The following CAMTA1 variants were observed in gnomAD, a reference collection of about 807,000 sequenced individuals.
The protein encoded by CAMTA1 is calmodulin-binding transcription activator 1.
CAMTA1 carries 27 observed loss-of-function variants against 170.9 expected under a neutral mutation model. The observed-to-expected ratio is 0.16, with a 90% CI of 0.12 to 0.22. CAMTA1 has a LOEUF of 0.22. CAMTA1 is among the 10% of genes least tolerant of loss of function. CAMTA1 has a pLI of 1.00. For synonymous variants in CAMTA1, 833 were observed against 891.5 expected, an observed-to-expected ratio of 0.93 and a Z score of 1.17; for missense variants, 1,619 against 2,217.2, an observed-to-expected ratio of 0.73 and a Z score of 5.42.
intron 6 of CAMTA1, among the ~76,000 whole-genome samples, chr1:7,604,719 G>A (rs2095472358): frequency 6.6e-6 from 1 of 152,190 alleles, no homozygotes; most frequent in Admixed American, 6.5e-5. Context: ...TCCGTTGCTG[G>A]TGAGGAGCTG....
chr1:7,720,055 A>G (rs1029570042), intron 11 of CAMTA1, among the ~76,000 whole-genome samples: 5 of 152,262 alleles, frequency 3.3e-5, no homozygotes, highest in Admixed American at 1.3e-4. Context: ...CTCCTCTGGC[A>G]ACAAGACCTG....
chr1:7,669,856 G>GT (rs2096040766), intron 9 of CAMTA1, among the ~76,000 whole-genome samples: 1 of 152,218 alleles, frequency 6.6e-6, no homozygotes. Context: ...CGGCTAAGCC[G>GT]TAAGTAGGGG....
chr1:6,823,602 T>C (rs1223629044), intron 2 of CAMTA1, among the ~76,000 whole-genome samples: 1 of 152,174 alleles, frequency 6.6e-6, no homozygotes, highest in Non-Finnish European at 1.5e-5. Context: ...CTATATGATG[T>C]AGTAAATTTT....
intron 3 of CAMTA1, among the ~76,000 whole-genome samples, chr1:6,902,732 G>C (rs981165698): frequency 2.0e-5 from 3 of 152,204 alleles, no homozygotes; most frequent in Admixed American, 1.3e-4. Flanking sequence ...GGTGTTCAAC[G>C]TCAGGGAAAT....
At chr1:7,256,730 C>T (rs986376543) in intron 5 of CAMTA1, among the ~76,000 whole-genome samples, 28 of 152,132 alleles carry the variant, frequency 1.8e-4, no homozygotes, top group Non-Finnish European at 3.8e-4. Flanking sequence ...GAAATTTATT[C>T]CTCACGGTTC....
intron 1 of CAMTA1, among the ~76,000 whole-genome samples, chr1:6,800,611 T>C (rs971064405): frequency 6.6e-6 from 1 of 152,178 alleles, no homozygotes; most frequent in Admixed American, 6.5e-5. Flanking sequence ...TAAGGTAGTA[T>C]TTATATTCAT....
intron 7 of CAMTA1, among the ~76,000 whole-genome samples, chr1:7,654,944 CTA>C (rs1178505606): frequency 7.1e-6 from 1 of 140,818 alleles, no homozygotes; most frequent in East Asian, 2.2e-4. Flanking sequence ...AAGCACACAC[CTA>C]TACACACACA....
intron 3 of CAMTA1, among the ~76,000 whole-genome samples, chr1:7,068,820 T>A (rs1183551904): frequency 6.6e-6 from 1 of 152,102 alleles, no homozygotes; most frequent in Non-Finnish European, 1.5e-5. Context: ...CGTGAAAATC[T>A]TCTTTCTCTT....
At chr1:7,539,712 C>T (rs1347678067) in intron 6 of CAMTA1, among the ~76,000 whole-genome samples, 1 of 152,228 alleles carries the variant, frequency 6.6e-6, no homozygotes, top group African/African-American at 2.4e-5. Flanking sequence ...GGAGTCTGCC[C>T]ACCTCCAAGA....
chr1:7,485,999 A>G (rs1003609302), intron 6 of CAMTA1, among the ~76,000 whole-genome samples: 1 of 152,262 alleles, frequency 6.6e-6, no homozygotes, highest in African/African-American at 2.4e-5. Flanking sequence ...GAGCTTAATT[A>G]GATAAAAGAT....
intron 5 of CAMTA1, among the ~76,000 whole-genome samples, chr1:7,326,136 G>A (rs1316558184): frequency 6.6e-6 from 1 of 152,200 alleles, no homozygotes; most frequent in Non-Finnish European, 1.5e-5. Context: ...TGGGATTACA[G>A]ACGTGAGCCA....
rs944873688 is a variant in CAMTA1, at chr1:7,664,046, G to C, written c.1499G>C (p.Gly500Ala). Residue 500 changes from glycine (G) to alanine (A), a missense_variant, in exon 9 of 23, where the codon GGT (glycine) becomes GCT (alanine). By Grantham distance (60) the Gly-to-Ala change is moderately conservative. Coordinates refer to ENST00000303635, the MANE Select transcript of CAMTA1 (RefSeq NM_015215.4). ...NNPKQGQTYGGGGLKAEMVSS... is the reference protein window; with the variant it reads ...NNPKQGQTYGAGGLKAEMVSS... ...CCAAAGCAGGGCCAGACGTACGGGGGTGGAGGCCTGAAAGCCGAGATGGTC... is the reference window on the plus strand; with the variant it reads ...CCAAAGCAGGGCCAGACGTACGGGGCTGGAGGCCTGAAAGCCGAGATGGTC... 1.8e-5 allele frequency: 29 copies of C among 1,613,734 alleles called. No individual in the cohort carries two copies. Among genetic ancestry groups the C allele is most frequent in the Non-Finnish European group, 2.5e-5 (29 of 1,180,052 alleles).
At chr1:7,683,236 C>T (rs2096228356) in intron 11 of CAMTA1, among the ~76,000 whole-genome samples, 1 of 150,914 alleles carries the variant, frequency 6.6e-6, no homozygotes, top group Admixed American at 6.6e-5. Flanking sequence ...ATTCCAAAGG[C>T]ATCACTTGTC....
At chr1:7,313,505 C>G (rs1478759228) in intron 5 of CAMTA1, among the ~76,000 whole-genome samples, 1 of 152,174 alleles carries the variant, frequency 6.6e-6, no homozygotes, top group Non-Finnish European at 1.5e-5. Flanking sequence ...CCTGTTAGAC[C>G]TTTATTGCAT....
Position 7,044,667 on chromosome 1 carries a change from A to T in CAMTA1, c.235-46637A>T, listed in dbSNP as rs1336313905. On this transcript the variant is annotated intron_variant, in intron 3 of 22. Transcript: ENST00000303635. This position sits in a 1 kb window ranked among gnomAD's most constrained non-coding sequence, Gnocchi z 5.0. ...TTTGGAGCCTGAATGAGCCAGAGACAGGAAGCCTGTCCCTCCCCTCTCTGG... is the reference window on the plus strand; with the variant it reads ...TTTGGAGCCTGAATGAGCCAGAGACTGGAAGCCTGTCCCTCCCCTCTCTGG... 1.3e-5 allele frequency among the ~76,000 whole-genome samples: 2 copies of T among 152,106 alleles called. No individual in the cohort carries two copies. Among genetic ancestry groups the T allele is most frequent in the Non-Finnish European group, 2.9e-5 (2 of 68,002 alleles).
chr1:6,823,754 C>CA (rs1646789586), intron 2 of CAMTA1, among the ~76,000 whole-genome samples: 1 of 151,838 alleles, frequency 6.6e-6, no homozygotes, highest in Non-Finnish European at 1.5e-5. Context: ...TTCATCTGTT[C>CA]AAAAAAATAG....
At chr1:7,594,178 G>A (rs1176144473) in intron 6 of CAMTA1, among the ~76,000 whole-genome samples, 2 of 140,838 alleles carry the variant, frequency 1.4e-5, no homozygotes, top group East Asian at 4.3e-4. Context: ...AGGAAAGAAA[G>A]AAAAGACAAG....
chr1:7,200,757 T>C (rs1438547097), intron 4 of CAMTA1, among the ~76,000 whole-genome samples: 5 of 152,208 alleles, frequency 3.3e-5, no homozygotes, highest in Non-Finnish European at 2.9e-5. Context: ...TTGATTAAGG[T>C]GGTTGCCTGC....
chr1:6,808,773 G>A (rs896247384), intron 1 of CAMTA1, among the ~76,000 whole-genome samples: 115 of 152,310 alleles, frequency 7.6e-4, no homozygotes, highest in African/African-American at 2.5e-3. Context: ...GACTAGAGTC[G>A]GGAGAAAATC....
Sources: gnomAD v4.1 joint callset for allele counts (sites outside exome capture counted in the v4.1 genomes callset) on GRCh38, gnomAD v4.1.1 for gene constraint, Gnocchi (gnomAD v3.1) non-coding constraint, MANE v1.5 for transcripts, NCBI Gene and HGNC (gene_info 2026-07-23, HGNC 2026-07-21) for gene names.